The following SCOC variants were observed in gnomAD, a reference collection of about 807,000 sequenced individuals.
SCOC encodes short coiled coil protein.
In SCOC, 7 loss-of-function variants were observed where a neutral mutation model predicts 9.9. The observed-to-expected ratio is 0.71, with a 90% confidence interval of 0.40 to 1.33. The LOEUF is 1.33. Among genes scored for constraint, SCOC ranks in the 40% most tolerant of loss-of-function variants. SCOC has a pLI of 0.01. For missense variants in SCOC, 66 were observed against 89.7 expected (o/e 0.74, Z 1.07); for synonymous variants, 19 against 28.2 (o/e 0.67, Z 1.03).
upstream of SCOC, among the ~76,000 whole-genome samples, chr4:140,340,174 A>G (rs1245368083): frequency 6.6e-6 from 1 of 152,184 alleles, no homozygotes; most frequent in African/African-American, 2.4e-5. Context: ...GCGGGAAACC[A>G]TCATTCTCAG....
intron 1 of SCOC, among the ~76,000 whole-genome samples, chr4:140,309,289 C>T (rs1732082516): frequency 6.6e-6 from 1 of 152,222 alleles, no homozygotes; most frequent in Non-Finnish European, 1.5e-5. Context: ...TGGAGCCTCA[C>T]CTCACAGCTG....
At chr4:140,359,424 G>A (rs981188909) in intron 2 of SCOC, among the ~76,000 whole-genome samples, 24 of 152,294 alleles carry the variant, frequency 1.6e-4, no homozygotes, top group Non-Finnish European at 1.5e-5. Context: ...AGACCAACAA[G>A]GAAGGTTGTG....
At chr4:140,273,069 C>T (rs1560676952) in intron 1 of SCOC, among the ~76,000 whole-genome samples, 1 of 152,180 alleles carries the variant, frequency 6.6e-6, no homozygotes, top group Non-Finnish European at 1.5e-5. Context: ...TTTTTATCGA[C>T]GTTCCCCAGG....
chr4:140,260,727 G>T (rs1730612778), intron 1 of SCOC, among the ~76,000 whole-genome samples: 1 of 152,174 alleles, frequency 6.6e-6, no homozygotes. Flanking sequence ...ATTCTGGAGT[G>T]GGGACACATG....
At chr4:140,358,811 A>G (rs1360725715) in intron 2 of SCOC, among the ~76,000 whole-genome samples, 1 of 152,258 alleles carries the variant, frequency 6.6e-6, no homozygotes, top group Non-Finnish European at 1.5e-5. Flanking sequence ...TTCTTAAAAT[A>G]GAATCACCAT....
At chr4:140,331,419 T>G (rs1732812884) in intron 1 of SCOC, among the ~76,000 whole-genome samples, 2 of 152,178 alleles carry the variant, frequency 1.3e-5, no homozygotes, top group Admixed American at 1.3e-4. Context: ...TTCCTTATTT[T>G]GTAGCCACTA....
At chr4:140,331,990 AT>A (rs76871617) in intron 1 of SCOC, among the ~76,000 whole-genome samples, 29,580 of 150,518 alleles carry the variant, frequency 0.2, 3,710 homozygotes, top group African/African-American at 0.35. Flanking sequence ...TGGAGCAGGC[AT>A]CTTACATGGC....
chr4:140,313,971 T>C (rs573701573), intron 1 of SCOC, among the ~76,000 whole-genome samples: 7 of 152,000 alleles, frequency 4.6e-5, no homozygotes, highest in African/African-American at 1.7e-4. Context: ...TTACTAAAAA[T>C]ACAAAAAATT....
rs761270888 is a variant in SCOC at position 140,381,085 on chromosome 4, C to T, written c.230C>T (p.Thr77Ile). 1.9e-6 allele frequency: 3 copies of T among 1,596,598 alleles called. No individual in the cohort carries two copies. Among genetic ancestry groups the T allele is most frequent in the South Asian group, 1.1e-5 (1 of 87,180 alleles). The change falls in exon 4 of 4, where the codon ACA (threonine) becomes ATA (isoleucine). Residue 77 changes from threonine to isoleucine, a missense_variant. By Grantham distance (89) the Thr-to-Ile change is moderately conservative (BLOSUM62 -1). Coordinates refer to ENST00000608372, the MANE Select transcript of SCOC (RefSeq NM_001153484.2). The part of the protein sequence containing the change: ...SASSVFQTTD[T>I]KSKRK ...TCTAGTGTTTTTCAAACAACTGACA[C>T]AAAAAGCAAAAGAAAGTAAGGGATT...
At chr4:140,351,073 C>G (rs2126528379) in intron 2 of SCOC, among the ~76,000 whole-genome samples, 1 of 151,986 alleles carries the variant, frequency 6.6e-6, no homozygotes, top group South Asian at 2.1e-4. Flanking sequence ...GCCTGTAATC[C>G]CAGCTACTCG....
rs139577299 is a variant in SCOC at position 140,384,522 on chromosome 4, T to C, written c.*3418T>C. Reference sequence around the variant, plus strand: ...GGCCTGTCTTTGGCAAGAATCACCCTACTCTTGATGTCTCCAGTTAGTAGT... The same window carrying C: ...GGCCTGTCTTTGGCAAGAATCACCCCACTCTTGATGTCTCCAGTTAGTAGT... On this transcript the variant is annotated 3_prime_UTR_variant, in exon 4 of 4. Transcript: ENST00000608372. The C allele has an allele frequency of 6.6e-6, 1 of 152,312 alleles. No individual in the cohort carries two copies. The highest frequency in any genetic ancestry group is 2.4e-5 in the African/African-American group (1 of 41,570). The allele number at this position is 152,312 out of a possible 1,614,324, so 9.4% of individuals were successfully genotyped here. A position where few individuals can be genotyped will look rare whatever the true frequency, so the allele number is the denominator to read the frequency against.
chr4:140,282,269 T>C (rs756963400), intron 1 of SCOC, among the ~76,000 whole-genome samples: 1 of 152,210 alleles, frequency 6.6e-6, no homozygotes, highest in Non-Finnish European at 1.5e-5. Context: ...GGCTGCAACT[T>C]GGCTAACAAA....
Position 140,355,462 on chromosome 4 carries a change from T to C in SCOC, c.70+11754T>C, listed in dbSNP as rs1365335911. ...ACTGGGCTTGGAAAGGTTTAGTACA[T>C]TGCACAATGCAGAGCTGGGATTCAA... On this transcript the variant is annotated intron_variant, in intron 2 of 4. Transcript: ENST00000338517. Among the ~76,000 whole-genome samples the C allele has an allele frequency of 2.0e-5, 3 of 152,092 alleles. No homozygotes were observed. In the East Asian group the frequency reaches 5.8e-4, roughly 29 times the overall value.
In SCOC at chr4:140,381,204, A is replaced by G. The variant is rs1466857260; in HGVS notation, c.*100A>G. ...TTACAGTACCTTTGTGGCTTCATTG[A>G]ATATTTATGAAGATAATGTCAGATG... On this transcript the variant is annotated 3_prime_UTR_variant, in exon 4 of 4. Coordinates refer to ENST00000608372, the MANE Select transcript of SCOC (RefSeq NM_001153484.2). 5 of 1,149,156 alleles carry G rather than the reference A, an allele frequency of 4.4e-6. No homozygotes were observed. In the African/African-American group the frequency reaches 6.4e-5, roughly 15 times the overall value. 71.2% of individuals were successfully genotyped at this position (1,149,156 alleles called of 1,614,324 possible).
chr4:140,372,632 C>T (rs1379722465), upstream of SCOC, among the ~76,000 whole-genome samples: 1 of 152,086 alleles, frequency 6.6e-6, no homozygotes, highest in Non-Finnish European at 1.5e-5. Flanking sequence ...GTTCTCAAAA[C>T]ACTGAATAGA....
intron 1 of SCOC, among the ~76,000 whole-genome samples, chr4:140,261,761 G>A (rs1193305541): frequency 6.6e-6 from 1 of 152,194 alleles, no homozygotes; most frequent in Non-Finnish European, 1.5e-5. Flanking sequence ...AAGGTACAGA[G>A]GGATAAGGAG....
chr4:140,302,409 T>C (rs764290989), intron 1 of SCOC, among the ~76,000 whole-genome samples: 30 of 152,188 alleles, frequency 2.0e-4, no homozygotes, highest in Non-Finnish European at 3.2e-4. Flanking sequence ...GAGGATATAG[T>C]GATTTGAGAT....
chr4:140,355,251 T>TATATATATA (rs1560716645), intron 2 of SCOC, among the ~76,000 whole-genome samples: 6 of 140,972 alleles, frequency 4.3e-5, no homozygotes, highest in African/African-American at 1.6e-4. Context: ...ATATATATAA[T>TATATATATA]GTATATAAAA....
At chr4:140,324,003 T>C (rs754911133) in intron 1 of SCOC, among the ~76,000 whole-genome samples, 19 of 152,134 alleles carry the variant, frequency 1.2e-4, no homozygotes, top group Non-Finnish European at 2.5e-4. Context: ...CATTGCAATA[T>C]ATTAAAAGAA....
Sources: allele counts gnomAD v4.1 joint callset (sites outside exome capture counted in the v4.1 genomes callset), GRCh38; gene constraint gnomAD v4.1.1; transcripts MANE v1.5; gene names NCBI Gene and HGNC (gene_info 2026-07-23, HGNC 2026-07-21).